ZNF385D: variants seen among roughly 807,000 people sequenced by gnomAD.
ZNF385D encodes the protein zinc finger protein 659.
Under a neutral mutation model 35.8 loss-of-function variants are expected in ZNF385D, and 15 were observed. That is an observed-to-expected ratio of 0.42 (90% CI 0.28 to 0.64). The LOEUF (loss-of-function observed/expected upper bound fraction) is 0.64, where lower values mean the gene tolerates loss of function less well. ZNF385D is among the 30% of genes least tolerant of loss of function. ZNF385D has a pLI of 0.23. For synonymous variants in ZNF385D, 212 were observed against 186.8 expected, an observed-to-expected ratio of 1.13 and a Z score of -1.10; for missense variants, 474 against 494.6, an observed-to-expected ratio of 0.96 and a Z score of 0.39.
intron 3 of ZNF385D, among the ~76,000 whole-genome samples, chr3:21,881,827 GA>G (rs562883065): frequency 5.3e-5 from 8 of 151,892 alleles, no homozygotes; most frequent in Non-Finnish European, 1.0e-4. Context: ...CAAGAATTTG[GA>G]AAAAGTTGAT....
At chr3:22,233,083 T>C (rs1398466455) in intron 2 of ZNF385D, among the ~76,000 whole-genome samples, 1 of 152,160 alleles carries the variant, frequency 6.6e-6, no homozygotes, top group Non-Finnish European at 1.5e-5. Flanking sequence ...TATAATTTTT[T>C]TTGTTTTTAG....
At chr3:22,306,243 C>A (rs1490805768) in intron 2 of ZNF385D, among the ~76,000 whole-genome samples, 3 of 151,948 alleles carry the variant, frequency 2.0e-5, no homozygotes, top group Non-Finnish European at 4.4e-5. Context: ...AGGGAGAAGC[C>A]TAATCTTCTG....
chr3:21,911,909 G>A (rs970360414), intron 3 of ZNF385D, among the ~76,000 whole-genome samples: 4 of 151,786 alleles, frequency 2.6e-5, no homozygotes, highest in African/African-American at 9.7e-5. Flanking sequence ...AGATAATAAT[G>A]TAAGCATATA....
chr3:21,706,925 C>A (rs2067926341), intron 1 of ZNF385D, among the ~76,000 whole-genome samples: 1 of 152,104 alleles, frequency 6.6e-6, no homozygotes, highest in African/African-American at 2.4e-5. Context: ...TTATTTTCTT[C>A]CTCCTTCTTC....
Position 21,539,417 on chromosome 3 carries a change from G to A in ZNF385D, c.276+25157C>T, listed in dbSNP as rs979203225. Reference sequence around the variant, plus strand: ...TGTTGGCCTATTTCAATCAAAAATAGATATATATCACTGTCATAGGCAGTT... The same window carrying A: ...TGTTGGCCTATTTCAATCAAAAATAAATATATATCACTGTCATAGGCAGTT... On this transcript the variant is annotated intron_variant, in intron 3 of 7. Transcript: ENST00000281523. The surrounding 1 kb of genome is among the most constrained non-coding windows in gnomAD (Gnocchi z 4.0). Among the ~76,000 whole-genome samples the A allele has an allele frequency of 6.6e-6, 1 of 152,114 alleles. No individual in the cohort carries two copies. Among genetic ancestry groups the A allele is most frequent in the Non-Finnish European group, 1.5e-5 (1 of 68,018 alleles).
intron 3 of ZNF385D, among the ~76,000 whole-genome samples, chr3:22,144,087 G>T (rs920401982): frequency 6.6e-6 from 1 of 152,126 alleles, no homozygotes; most frequent in African/African-American, 2.4e-5. Flanking sequence ...TTTTATAAAA[G>T]AATGTGGGAA....
chr3:21,439,987 A>G (rs1366755743), intron 4 of ZNF385D, among the ~76,000 whole-genome samples: 1 of 152,104 alleles, frequency 6.6e-6, no homozygotes, highest in African/African-American at 2.4e-5. Context: ...TATATTTTTT[A>G]TCTTAAATTT....
chr3:22,192,771 C>G (rs1696146552), intron 2 of ZNF385D, among the ~76,000 whole-genome samples: 1 of 152,130 alleles, frequency 6.6e-6, no homozygotes, highest in Admixed American at 6.6e-5. Context: ...AGTCAAGACC[C>G]TAAGAAGATG....
At chr3:22,205,647 G>C (rs566268630) in intron 2 of ZNF385D, among the ~76,000 whole-genome samples, 1 of 151,972 alleles carries the variant, frequency 6.6e-6, no homozygotes. Context: ...CTCTTTGCTT[G>C]TATGTTTGTT....
chr3:22,204,103 T>C (rs1217653385), intron 2 of ZNF385D, among the ~76,000 whole-genome samples: 1 of 152,004 alleles, frequency 6.6e-6, no homozygotes, highest in Non-Finnish European at 1.5e-5. Context: ...GGTTGCTTCT[T>C]ACACGACTTC....
At chr3:21,447,918 C>A (rs1489177883) in intron 4 of ZNF385D, among the ~76,000 whole-genome samples, 1 of 152,044 alleles carries the variant, frequency 6.6e-6, no homozygotes, top group Non-Finnish European at 1.5e-5. Flanking sequence ...AAAACAAGCT[C>A]CCACAATAAA....
At chr3:21,955,282 A>T (rs968674188) in intron 3 of ZNF385D, among the ~76,000 whole-genome samples, 4 of 152,184 alleles carry the variant, frequency 2.6e-5, no homozygotes, top group African/African-American at 9.6e-5. Context: ...GATATAGGAG[A>T]TGGAAACTAA....
At chr3:22,021,376 A>G (rs554682791) in intron 3 of ZNF385D, among the ~76,000 whole-genome samples, 1 of 152,120 alleles carries the variant, frequency 6.6e-6, no homozygotes, top group South Asian at 2.1e-4. Flanking sequence ...CACAACACAA[A>G]TAGGCTTTCA....
intron 2 of ZNF385D, among the ~76,000 whole-genome samples, chr3:22,296,369 CTTG>C (rs1481812015): frequency 1.4e-4 from 22 of 152,182 alleles, no homozygotes; most frequent in Middle Eastern, 3.4e-3. Context: ...ATCATAGGTT[CTTG>C]TTGTTGGCTA....
intron 3 of ZNF385D, among the ~76,000 whole-genome samples, chr3:22,106,546 G>T (rs1027788970): frequency 6.6e-6 from 1 of 151,984 alleles, no homozygotes; most frequent in African/African-American, 2.4e-5. Flanking sequence ...TTAGCTCCTG[G>T]GCATCTGATT....
chr3:21,955,603 A>C (rs1702247409), intron 3 of ZNF385D, among the ~76,000 whole-genome samples: 1 of 152,050 alleles, frequency 6.6e-6, no homozygotes, highest in African/African-American at 2.4e-5. Context: ...AAACCAAACA[A>C]AAACTTGAAT....
At chr3:22,233,154 A>G (rs749350159) in intron 2 of ZNF385D, among the ~76,000 whole-genome samples, 2 of 151,288 alleles carry the variant, frequency 1.3e-5, no homozygotes, top group Non-Finnish European at 1.5e-5. Context: ...GATTTTTTCT[A>G]TCTCAAAACA....
intron 3 of ZNF385D, among the ~76,000 whole-genome samples, chr3:21,762,395 C>T (rs563270753): frequency 2.5e-4 from 38 of 152,154 alleles, no homozygotes; most frequent in African/African-American, 8.0e-4. Context: ...CTGTCTCAAC[C>T]GTCTGAAATG....
At chr3:22,104,871 C>A (rs1702123937) in intron 3 of ZNF385D, among the ~76,000 whole-genome samples, 1 of 152,112 alleles carries the variant, frequency 6.6e-6, no homozygotes. Flanking sequence ...AGCAGATTTT[C>A]TCCAGGGAAT....
Sources: allele counts gnomAD v4.1 joint callset (sites outside exome capture counted in the v4.1 genomes callset), GRCh38; gene constraint gnomAD v4.1.1; non-coding constraint Gnocchi (gnomAD v3.1); transcripts MANE v1.5; gene names NCBI Gene and HGNC (gene_info 2026-07-23, HGNC 2026-07-21).